The following SP100 variants were observed in gnomAD, a reference collection of about 807,000 sequenced individuals.
SP100 encodes the protein nuclear autoantigen Sp-100.
A neutral mutation model predicts 130.0 loss-of-function variants in SP100; 84 were observed. The observed-to-expected ratio is 0.65, with a 90% CI of 0.54 to 0.77. The LOEUF (loss-of-function observed/expected upper bound fraction) is 0.77. Among genes scored for constraint, SP100 ranks in the 30% least tolerant of loss-of-function variants. The pLI, the probability that SP100 is intolerant of heterozygous loss-of-function variation, is 0.00. For missense variants in SP100, 978 were observed against 1,052.2 expected, an observed-to-expected ratio of 0.93 and a Z score of 0.97; for synonymous variants, 331 against 351.7, an observed-to-expected ratio of 0.94 and a Z score of 0.66.
chr2:230,541,960 G>GCAGA lies in SP100; in HGVS notation c.2473_2476dup (p.Met826ThrfsTer19). ...ACAAAGTCAAGACAAGTTTGAATGA[G>GCAGA]CAGATGTACACCCGAGTAGAAGGGT... On this transcript the variant is annotated frameshift_variant, in exon 28 of 29. Coordinates refer to ENST00000340126, the MANE Select transcript of SP100 (RefSeq NM_001080391.2). LOFTEE classifies it high-confidence loss of function. 1 of 1,614,082 alleles carries GCAGA rather than the reference G, an allele frequency of 6.2e-7. No individual in the cohort carries two copies. The highest frequency in any genetic ancestry group is 8.5e-7 in the Non-Finnish European group (1 of 1,179,950).
chr2:230,464,702 A>T (rs1309638559), intron 11 of SP100, among the ~76,000 whole-genome samples: 1 of 152,206 alleles, frequency 6.6e-6, no homozygotes, highest in Non-Finnish European at 1.5e-5. Flanking sequence ...TTTGAAAATG[A>T]ACCTTCATTT....
chr2:230,524,859 A>G (rs1678197), intron 24 of SP100, among the ~76,000 whole-genome samples: 33 of 152,146 alleles, frequency 2.2e-4, no homozygotes, highest in Admixed American at 3.9e-4. Flanking sequence ...TAAGGACAAG[A>G]ATTCTAGTTA....
chr2:230,438,182 A>G (rs1159329471), intron 2 of SP100, among the ~76,000 whole-genome samples: 2 of 152,144 alleles, frequency 1.3e-5, no homozygotes, highest in Non-Finnish European at 2.9e-5. Context: ...TATCATCAAT[A>G]TTGATGATTC....
At chr2:230,487,065 A>T (rs1386134553) in intron 17 of SP100, among the ~76,000 whole-genome samples, 1 of 152,130 alleles carries the variant, frequency 6.6e-6, no homozygotes, top group African/African-American at 2.4e-5. Context: ...TAAATTCTGG[A>T]TATTAGACCT....
intron 24 of SP100, among the ~76,000 whole-genome samples, chr2:230,529,443 C>T (rs1691592570): frequency 2.0e-5 from 3 of 152,148 alleles, no homozygotes; most frequent in Admixed American, 6.5e-5. Flanking sequence ...ATAATAAGAG[C>T]TATTTATGAC....
At chr2:230,495,883 G>T (rs2066643045) in intron 18 of SP100, among the ~76,000 whole-genome samples, 1 of 151,880 alleles carries the variant, frequency 6.6e-6, no homozygotes, top group Non-Finnish European at 1.5e-5. Flanking sequence ...AAGCATATTT[G>T]GATATATTTT....
intron 2 of SP100, among the ~76,000 whole-genome samples, chr2:230,441,117 C>T (rs1458249063): frequency 6.6e-6 from 1 of 152,058 alleles, no homozygotes; most frequent in African/African-American, 2.4e-5. Context: ...AAAATGCCTA[C>T]CCATCAATAA....
intron 8 of SP100, among the ~76,000 whole-genome samples, chr2:230,460,619 T>TCC (rs2064547888): frequency 5.1e-5 from 1 of 19,492 alleles, no homozygotes; most frequent in African/African-American, 2.8e-4. Flanking sequence ...TTTTTTTTTT[T>TCC]TTTTTTTTTT....
At chr2:230,502,645 GT>G (rs2150065404) in intron 19 of SP100, among the ~76,000 whole-genome samples, 1 of 152,256 alleles carries the variant, frequency 6.6e-6, no homozygotes, top group Non-Finnish European at 1.5e-5. Flanking sequence ...TGGGAAGCAG[GT>G]AAAATACTGT....
chr2:230,446,392 A>C (rs899250911), intron 4 of SP100, among the ~76,000 whole-genome samples: 4 of 152,180 alleles, frequency 2.6e-5, no homozygotes, highest in African/African-American at 7.2e-5. Context: ...TACAGGTGTG[A>C]GCCACTGCAC....
At chr2:230,514,367 A>G (rs951698193) in intron 24 of SP100, among the ~76,000 whole-genome samples, 1 of 152,224 alleles carries the variant, frequency 6.6e-6, no homozygotes, top group Non-Finnish European at 1.5e-5. Flanking sequence ...TGGGGGAAAA[A>G]AAACCTGTTC....
intron 24 of SP100, among the ~76,000 whole-genome samples, chr2:230,519,990 C>T (rs964051819): frequency 6.6e-6 from 1 of 152,164 alleles, no homozygotes; most frequent in Non-Finnish European, 1.5e-5. Flanking sequence ...TGTTTCCCAT[C>T]TTGGTTGTTT....
In SP100 at chr2:230,540,957, T is replaced by G. The variant is rs1285948297; in HGVS notation, c.2292T>G (p.Ser764=). The stretch of plus-strand genomic sequence containing the variant: ...AAAGCCAATCAGGTCATCAGGAATC[T>G]GAAGTCCTGATGAGGCAGATGCTGC... ...CPESQSGHQE[S]EVLMRQMLPE... Residue 764 remains serine, a synonymous_variant, in exon 26 of 29, where the codon TCT becomes TCG. Transcript: ENST00000340126. 10 of 1,613,362 alleles carry G rather than the reference T, an allele frequency of 6.2e-6. No homozygotes were observed. The highest frequency in any genetic ancestry group is 7.6e-6 in the Non-Finnish European group (9 of 1,179,492).
At chr2:230,517,262 A>T (rs966000233) in intron 24 of SP100, among the ~76,000 whole-genome samples, 1 of 152,216 alleles carries the variant, frequency 6.6e-6, no homozygotes, top group African/African-American at 2.4e-5. Flanking sequence ...CCTGCCAAAG[A>T]TGTAGAAAGG....
chr2:230,473,252 T>C, intron 15 of SP100, 72 bp from the exon 16 acceptor site: 1 of 1,013,092 alleles, frequency 9.9e-7, no homozygotes, highest in South Asian at 1.4e-5. Context: ...GGGCAGTCAC[T>C]AATGTTGGGG....
At chr2:230,539,898 G>A (rs144223139) in intron 25 of SP100, among the ~76,000 whole-genome samples, 51 of 152,272 alleles carry the variant, frequency 3.3e-4, no homozygotes, top group African/African-American at 1.0e-3. Flanking sequence ...AGGATACCAC[G>A]GAGATTGATA....
Position 230,506,348 on chromosome 2 carries a change from C to G in SP100, c.1916C>G (p.Thr639Ser). 1 of 1,613,950 alleles carries G rather than the reference C, an allele frequency of 6.2e-7. No homozygotes were observed. Among genetic ancestry groups the G allele is most frequent in the Non-Finnish European group, 8.5e-7 (1 of 1,179,838 alleles). Residue 639 changes from threonine to serine, a missense_variant, in exon 22 of 29, where the codon ACT becomes AGT. Physicochemically the swap from Thr to Ser is moderately conservative, Grantham distance 58. Transcript: ENST00000340126. Reference protein sequence around the residue: ...CIQSEDKKWFTPREFEIEGDR... With the variant: ...CIQSEDKKWFSPREFEIEGDR... ...CAGAGTGAGGATAAAAAGTGGTTCA[C>G]TCCCAGGGAATTTGAAATTGAAGGA...
At chr2:230,443,304 C>T (rs2063544562) in intron 3 of SP100, among the ~76,000 whole-genome samples, 1 of 152,124 alleles carries the variant, frequency 6.6e-6, no homozygotes, top group Non-Finnish European at 1.5e-5. Flanking sequence ...GGTCCCACTT[C>T]CAGCCGAGGA....
intron 24 of SP100, among the ~76,000 whole-genome samples, chr2:230,520,937 A>C (rs1691144056): frequency 6.6e-6 from 1 of 152,180 alleles, no homozygotes; most frequent in Non-Finnish European, 1.5e-5. Context: ...ACAATCAGTA[A>C]AACTTTATGA....
Sources: allele counts gnomAD v4.1 joint callset (sites outside exome capture counted in the v4.1 genomes callset), GRCh38; gene constraint gnomAD v4.1.1; transcripts MANE v1.5; gene names NCBI Gene and HGNC (gene_info 2026-07-23, HGNC 2026-07-21).